ANKRD30BL: variants seen among roughly 807,000 people sequenced by gnomAD.
ANKRD30BL encodes putative ankyrin repeat domain-containing protein 30B-like.
In ANKRD30BL, 20 loss-of-function variants were observed where a neutral mutation model predicts 18.4. The observed-to-expected ratio is 1.09, with a 90% CI of 0.77 to 1.58. The LOEUF (loss-of-function observed/expected upper bound fraction) is 1.58. ANKRD30BL is among the 40% of genes most tolerant of loss of function. The probability of loss-of-function intolerance (pLI) is 0.00; values close to 1 mark genes in which losing one functional copy is unlikely to be tolerated. For missense variants in ANKRD30BL, 224 were observed against 268.6 expected, an observed-to-expected ratio of 0.83 and a Z score of 1.16; for synonymous variants, 72 against 100.9, an observed-to-expected ratio of 0.71 and a Z score of 1.72.
chr2:132,163,136 C>G (rs1688118667), upstream of ANKRD30BL, among the ~76,000 whole-genome samples: 2 of 152,144 alleles, frequency 1.3e-5, no homozygotes, highest in African/African-American at 4.8e-5. Flanking sequence ...GATGGAGAAA[C>G]AGTTAAATTG....
At chr2:132,166,909 A>G (rs181792922), upstream of ANKRD30BL, among the ~76,000 whole-genome samples, 6 of 151,950 alleles carry the variant, frequency 3.9e-5, no homozygotes, top group Admixed American at 2.0e-4. Context: ...CTCTTTTTTC[A>G]TAATAATATG....
At chr2:132,235,628 C>G (rs549651176) in intron 1 of ANKRD30BL, among the ~76,000 whole-genome samples, 35 of 152,182 alleles carry the variant, frequency 2.3e-4, no homozygotes, top group African/African-American at 8.2e-4. Context: ...ATCCAACTTA[C>G]AAGGGATGTG....
intron 1 of ANKRD30BL, among the ~76,000 whole-genome samples, chr2:132,250,885 A>G (rs1025785041): frequency 6.6e-6 from 1 of 152,190 alleles, no homozygotes; most frequent in Non-Finnish European, 1.5e-5. Flanking sequence ...GTTATTATAA[A>G]TGATTATTCA....
In ANKRD30BL at chr2:132,212,383, A is replaced by G. The variant is rs531758673; in HGVS notation, n.441+45146T>C. Among the ~76,000 whole-genome samples the G allele has an allele frequency of 2.0e-5, 3 of 151,972 alleles. No homozygotes were observed. In the South Asian group the frequency reaches 6.2e-4, roughly 32 times the overall value. On this transcript the variant is annotated intron_variant and non_coding_transcript_variant, in intron 1 of 4. Coordinates refer to the ANKRD30BL transcript ENST00000470729. ...CTCACAGAGTTGAAACTTTCTTTTGATTGAGCAGTTTTGACACACTCTTTT... is the reference window on the plus strand; with the variant it reads ...CTCACAGAGTTGAAACTTTCTTTTGGTTGAGCAGTTTTGACACACTCTTTT...
At chr2:132,194,836 G>A (rs1050742787) in intron 1 of ANKRD30BL, among the ~76,000 whole-genome samples, 2 of 152,224 alleles carry the variant, frequency 1.3e-5, no homozygotes, top group African/African-American at 4.8e-5. Flanking sequence ...GCAGTAGGGA[G>A]GAGAGAATTC....
intron 1 of ANKRD30BL, among the ~76,000 whole-genome samples, chr2:132,252,887 G>A (rs1460675173): frequency 6.6e-6 from 1 of 152,174 alleles, no homozygotes; most frequent in Admixed American, 6.5e-5. Flanking sequence ...CTCGGCTGCA[G>A]CCGGCTATCT....
At chr2:132,227,076 T>C (rs2104778107) in intron 1 of ANKRD30BL, among the ~76,000 whole-genome samples, 2 of 152,256 alleles carry the variant, frequency 1.3e-5, no homozygotes, top group Middle Eastern at 6.8e-3. Flanking sequence ...AGAAAATTCT[T>C]TGTGATGTTT....
At chr2:132,254,970 G>A (rs75642082) in intron 1 of ANKRD30BL, among the ~76,000 whole-genome samples, 1 of 152,116 alleles carries the variant, frequency 6.6e-6, no homozygotes, top group African/African-American at 2.4e-5. Flanking sequence ...AAATTAAGCT[G>A]CAGGCTCCAC....
intron 1 of ANKRD30BL, among the ~76,000 whole-genome samples, chr2:132,235,212 C>G (rs1359523478): frequency 6.6e-6 from 1 of 152,142 alleles, no homozygotes; most frequent in African/African-American, 2.4e-5. Context: ...CTATCTATGA[C>G]AAACCCACAG....
chr2:132,246,759 A>C (rs1680510477), intron 1 of ANKRD30BL, among the ~76,000 whole-genome samples: 1 of 151,990 alleles, frequency 6.6e-6, no homozygotes, highest in Admixed American at 6.6e-5. Context: ...TGGAATCTGT[A>C]ATTGGAAATT....
chr2:132,203,805 A>G (rs890529922), intron 1 of ANKRD30BL, among the ~76,000 whole-genome samples: 74 of 152,222 alleles, frequency 4.9e-4, no homozygotes, highest in Non-Finnish European at 9.4e-4. Context: ...TAATTTACCA[A>G]TGATGTAGTA....
chr2:132,147,917 T>C lies in ANKRD30BL; in HGVS notation c.*214A>G, dbSNP rs545979371. On this transcript the variant is annotated 3_prime_UTR_variant, in exon 6 of 6. Coordinates refer to ENST00000409867, the MANE Select transcript of ANKRD30BL (RefSeq NM_001358416.1). ...TAAAGACAAAGCAGGTGTTAGAGGC[T>C]AGAAGGGGGCTGTTTAATGAAACTA... is the stretch of plus-strand genomic sequence containing the variant. The C allele has an allele frequency of 2.2e-4, 117 of 521,092 alleles. No individual in the cohort carries two copies. Among genetic ancestry groups the C allele is most frequent in the African/African-American group, 2.2e-3 (107 of 49,188 alleles). The allele number at this position is 521,092 out of a possible 1,614,324, so 32.3% of individuals were successfully genotyped here. A position where few individuals can be genotyped will look rare whatever the true frequency, so the allele number is the denominator to read the frequency against.
intron 1 of ANKRD30BL, among the ~76,000 whole-genome samples, chr2:132,235,762 C>T (rs1680136076): frequency 6.6e-6 from 1 of 152,044 alleles, no homozygotes; most frequent in Non-Finnish European, 1.5e-5. Context: ...GGCCATACTG[C>T]CCAAGGTAAT....
At chr2:132,170,276 C>T (rs1688254559) in intron 1 of ANKRD30BL, among the ~76,000 whole-genome samples, 1 of 152,010 alleles carries the variant, frequency 6.6e-6, no homozygotes, top group Admixed American at 6.6e-5. Context: ...TTAGGCTCAC[C>T]GACGCTTTGA....
At chr2:132,234,241 TA>T (rs1412723587) in intron 1 of ANKRD30BL, among the ~76,000 whole-genome samples, 2 of 151,908 alleles carry the variant, frequency 1.3e-5, no homozygotes, top group African/African-American at 2.4e-5. Flanking sequence ...GAAGAAAAGA[TA>T]AAAAATTGAC....
intron 1 of ANKRD30BL, among the ~76,000 whole-genome samples, chr2:132,225,526 A>C (rs1192662914): frequency 6.6e-6 from 1 of 152,082 alleles, no homozygotes; most frequent in East Asian, 1.9e-4. Context: ...CATCCTCAGA[A>C]ACTTCTTGTG....
At position 132,230,437 on chromosome 2, in the gene ANKRD30BL, G is replaced by T. The variant is rs62166108; in HGVS notation, n.441+27092C>A. On this transcript the variant is annotated intron_variant and non_coding_transcript_variant, in intron 1 of 4. Coordinates refer to the ANKRD30BL transcript ENST00000470729. ...TTGTATTATATGCAAGTGGACAAATGGAGCGCTTTGAGGGCTATGGTTGAA... is the reference window on the plus strand; with the variant it reads ...TTGTATTATATGCAAGTGGACAAATTGAGCGCTTTGAGGGCTATGGTTGAA... 8.7e-3 allele frequency among the ~76,000 whole-genome samples: 1,314 copies of T among 151,592 alleles called. 12 individuals carry two copies. The highest frequency in any genetic ancestry group is 0.011 in the Non-Finnish European group (766 of 67,858).
chr2:132,207,452 CT>C (rs1679232388), intron 1 of ANKRD30BL, among the ~76,000 whole-genome samples: 1 of 152,100 alleles, frequency 6.6e-6, no homozygotes, highest in Non-Finnish European at 1.5e-5. Context: ...TTCTAATCTG[CT>C]GGCCAACAAT....
In ANKRD30BL at chr2:132,203,947, G is replaced by C. The variant is rs1679159023; in HGVS notation, n.442-46801C>G. Among the ~76,000 whole-genome samples, 3 of 152,052 alleles carry C rather than the reference G, an allele frequency of 2.0e-5. No homozygotes were observed. The South Asian group carries it at 6.2e-4, about 32-fold the overall frequency. On this transcript the variant is annotated intron_variant and non_coding_transcript_variant, in intron 1 of 4. Transcript: ENST00000470729. ...ACATTGAAGATTTTTTTCACATATT[G>C]ATACCAATCATTTTATGATATATCT...
Sources: gnomAD v4.1 joint callset for allele counts (sites outside exome capture counted in the v4.1 genomes callset) on GRCh38, gnomAD v4.1.1 for gene constraint, MANE v1.5 for transcripts, NCBI Gene and HGNC (gene_info 2026-07-23, HGNC 2026-07-21) for gene names.